Variants in CRISPLD2 observed in about 807,000 individuals in gnomAD.
CRISPLD2 encodes cysteine rich secretory protein LCCL domain containing 2.
In CRISPLD2, 47 loss-of-function variants were observed where a neutral mutation model predicts 71.1. That is an observed-to-expected ratio of 0.66 (90% CI 0.52 to 0.84). CRISPLD2 has a LOEUF of 0.84. Among genes scored for constraint, CRISPLD2 ranks in the 40% least tolerant of loss-of-function variants. The probability of loss-of-function intolerance (pLI) is 0.00; values close to 1 mark genes in which losing one functional copy is unlikely to be tolerated. For missense variants in CRISPLD2, 830 were observed against 651.1 expected, an observed-to-expected ratio of 1.27 and a Z score of -2.99; for synonymous variants, 317 against 250.1, an observed-to-expected ratio of 1.27 and a Z score of -2.52.
At chr16:84,900,197 G>A (rs753764388) in intron 14 of CRISPLD2, among the ~76,000 whole-genome samples, 5 of 151,982 alleles carry the variant, frequency 3.3e-5, no homozygotes, top group Non-Finnish European at 7.4e-5. Flanking sequence ...TCTGATACAC[G>A]TTTCAAAAGT....
chr16:84,904,820 C>T (rs967898237), intron 14 of CRISPLD2, among the ~76,000 whole-genome samples: 1 of 152,084 alleles, frequency 6.6e-6, no homozygotes, highest in African/African-American at 2.4e-5. Flanking sequence ...CAAAATGGAT[C>T]CAAGGCTGAA....
intron 1 of CRISPLD2, among the ~76,000 whole-genome samples, chr16:84,822,732 T>A (rs900798717): frequency 1.1e-4 from 17 of 152,194 alleles, no homozygotes; most frequent in Non-Finnish European, 1.3e-4. Flanking sequence ...GACAGGGACC[T>A]AAAGCACGTT....
intron 1 of CRISPLD2, among the ~76,000 whole-genome samples, chr16:84,833,951 G>A (rs1916553270): frequency 6.6e-6 from 1 of 152,180 alleles, no homozygotes; most frequent in Non-Finnish European, 1.5e-5. Context: ...CCTTCCCCCT[G>A]CATGGGTTGG....
rs1425958340 is a variant in CRISPLD2 at position 84,872,481 on chromosome 16, G to T, written c.954G>T (p.Lys318Asn). 6.2e-7 allele frequency: 1 copy of T among 1,614,028 alleles called. No homozygotes were observed. Among genetic ancestry groups the T allele is most frequent in the Non-Finnish European group, 8.5e-7 (1 of 1,179,942 alleles). ...CAGGCTGCCTGAACCACAAGGCGAAGATCTTTGGAACTCTGTTCTATGAAA... is the reference window on the plus strand; with the variant it reads ...CAGGCTGCCTGAACCACAAGGCGAATATCTTTGGAACTCTGTTCTATGAAA... ...CPAGCLNHKA[K>N]IFGTLFYESS... Residue 318 changes from lysine to asparagine, a missense_variant, in exon 9 of 15, where the codon AAG becomes AAT. Physicochemically the swap from Lys to Asn is moderately conservative, Grantham distance 94. Transcript: ENST00000262424.
At chr16:84,896,330 T>G (rs2071705904) in intron 14 of CRISPLD2, among the ~76,000 whole-genome samples, 1 of 152,022 alleles carries the variant, frequency 6.6e-6, no homozygotes, top group Admixed American at 6.6e-5. Context: ...AGTACAGGTG[T>G]GAGCCACCGT....
chr16:84,821,777 T>C (rs373413615), intron 1 of CRISPLD2, among the ~76,000 whole-genome samples: 7 of 152,320 alleles, frequency 4.6e-5, no homozygotes, highest in East Asian at 3.9e-4. Context: ...AATAATGCCA[T>C]TTGTAATAAT....
chr16:84,854,156 C>A (rs952379554), intron 5 of CRISPLD2, among the ~76,000 whole-genome samples: 3 of 152,244 alleles, frequency 2.0e-5, no homozygotes, highest in African/African-American at 4.8e-5. Flanking sequence ...CTTGCTTGTC[C>A]TGTGACCTGG....
intron 3 of CRISPLD2, 147 bp from the exon 4 acceptor site, chr16:84,849,238 C>T (rs1489110551): frequency 1.3e-6 from 1 of 784,744 alleles, no homozygotes; most frequent in Non-Finnish European, 2.0e-6. Context: ...GGCCTCCCTC[C>T]CTCCCGGCTG....
intron 5 of CRISPLD2, among the ~76,000 whole-genome samples, chr16:84,852,799 T>A (rs1429068415): frequency 6.6e-6 from 1 of 152,142 alleles, no homozygotes; most frequent in Non-Finnish European, 1.5e-5. Context: ...GCCAGTGCGG[T>A]GGCTCATGCC....
chr16:84,869,627 G>C (rs961425487), intron 8 of CRISPLD2, among the ~76,000 whole-genome samples: 2 of 152,198 alleles, frequency 1.3e-5, no homozygotes, highest in African/African-American at 4.8e-5. Flanking sequence ...TGAGCCTCAT[G>C]TGTCAACAGT....
At chr16:84,893,797 A>T (rs2071682903) in intron 14 of CRISPLD2, among the ~76,000 whole-genome samples, 1 of 152,210 alleles carries the variant, frequency 6.6e-6, no homozygotes, top group Non-Finnish European at 1.5e-5. Context: ...CCATCTCTGC[A>T]CAAAGCAGAG....
intron 1 of CRISPLD2, among the ~76,000 whole-genome samples, chr16:84,823,946 G>A (rs1021478): frequency 0.053 from 8,088 of 152,230 alleles, 246 homozygotes; most frequent in South Asian, 0.15. Flanking sequence ...GTAATCAAGT[G>A]AGCTGGAACT....
intron 1 of CRISPLD2, among the ~76,000 whole-genome samples, chr16:84,825,859 T>TG (rs1415832422): frequency 6.6e-6 from 1 of 151,524 alleles, no homozygotes; most frequent in Middle Eastern, 3.2e-3. Context: ...TCCAGCTTCT[T>TG]GGGAGGTAGA....
At chr16:84,831,882 G>A (rs1377154655) in intron 1 of CRISPLD2, among the ~76,000 whole-genome samples, 2 of 152,100 alleles carry the variant, frequency 1.3e-5, no homozygotes, top group African/African-American at 4.8e-5. Flanking sequence ...CTACAGACAC[G>A]CACCACCACA....
At chr16:84,906,250 C>T (rs1016007432) in intron 14 of CRISPLD2, among the ~76,000 whole-genome samples, 1 of 151,928 alleles carries the variant, frequency 6.6e-6, no homozygotes, top group African/African-American at 2.4e-5. Flanking sequence ...CACCACTGTT[C>T]GGGTTGACAG....
intron 5 of CRISPLD2, among the ~76,000 whole-genome samples, chr16:84,851,878 T>G (rs1271676992): frequency 2.6e-5 from 4 of 152,244 alleles, no homozygotes; most frequent in South Asian, 4.1e-4. Flanking sequence ...TGGTAAAATA[T>G]ACTCATCTGA....
In CRISPLD2 at chr16:84,871,287, G is replaced by A. The variant is rs2071466780; in HGVS notation, c.915-1155G>A. Among the ~76,000 whole-genome samples, 4 of 152,238 alleles carry A rather than the reference G, an allele frequency of 2.6e-5. No homozygotes were observed. In the South Asian group the frequency reaches 8.3e-4, roughly 32 times the overall value. On this transcript the variant is annotated intron_variant, in intron 8 of 14. Transcript: ENST00000262424. The stretch of plus-strand genomic sequence containing the variant: ...AAAATCCTTGCAGGCCAGGCATGGT[G>A]GCTTGTGCCTGTAACCTCAGCACCT...
At chr16:84,902,620 G>A (rs1382281740) in intron 14 of CRISPLD2, among the ~76,000 whole-genome samples, 1 of 150,938 alleles carries the variant, frequency 6.6e-6, no homozygotes, top group East Asian at 2.0e-4. Flanking sequence ...AAAAAAAAAA[G>A]AAACAACAAA....
chr16:84,832,544 C>G (rs891941564), intron 1 of CRISPLD2, among the ~76,000 whole-genome samples: 1 of 152,250 alleles, frequency 6.6e-6, no homozygotes, highest in South Asian at 2.1e-4. Flanking sequence ...CGGCGGTGAA[C>G]GAGACCCGCA....
Sources: gnomAD v4.1 joint callset for allele counts (sites outside exome capture counted in the v4.1 genomes callset) on GRCh38, gnomAD v4.1.1 for gene constraint, MANE v1.5 for transcripts, NCBI Gene and HGNC (gene_info 2026-07-23, HGNC 2026-07-21) for gene names.